The following PLD1 variants were observed in gnomAD, a reference collection of about 807,000 sequenced individuals.
PLD1 encodes choline phosphatase 1.
Under a neutral mutation model 137.1 loss-of-function variants are expected in PLD1, and 112 were observed. That is an observed-to-expected ratio of 0.82 (90% confidence interval 0.70 to 0.96). The LOEUF (loss-of-function observed/expected upper bound fraction) is 0.96, where lower values mean the gene tolerates loss of function less well. Among genes scored for constraint, PLD1 ranks in the 40% least tolerant of loss-of-function variants. The pLI is 0.00. For synonymous variants in PLD1, 431 were observed against 454.7 expected (o/e 0.95, Z 0.66); for missense variants, 1,321 against 1,342.0 (o/e 0.98, Z 0.24).
chr3:171,678,482 C>T (rs532509918), intron 16 of PLD1, among the ~76,000 whole-genome samples: 2 of 152,156 alleles, frequency 1.3e-5, no homozygotes, highest in African/African-American at 4.8e-5. Context: ...CATTGACTTA[C>T]GGCTAAATAC....
intron 24 of PLD1, among the ~76,000 whole-genome samples, chr3:171,619,544 C>T (rs1435020357): frequency 6.6e-6 from 1 of 152,142 alleles, no homozygotes; most frequent in Admixed American, 6.6e-5. Flanking sequence ...AGTTGGACTG[C>T]TCTACATCCT....
intron 12 of PLD1, among the ~76,000 whole-genome samples, chr3:171,697,390 G>A (rs868112839): frequency 1.3e-5 from 2 of 151,682 alleles, no homozygotes; most frequent in Admixed American, 6.6e-5. Flanking sequence ...GACTATAGGC[G>A]CCCGCCACCA....
intron 1 of PLD1, among the ~76,000 whole-genome samples, chr3:171,744,254 C>T (rs1719977308): frequency 6.6e-6 from 1 of 152,194 alleles, no homozygotes; most frequent in Non-Finnish European, 1.5e-5. Flanking sequence ...AGTAAGTCAG[C>T]TCTCAGCCTG....
chr3:171,622,099 G>C (rs1733689122), intron 23 of PLD1, among the ~76,000 whole-genome samples: 1 of 152,088 alleles, frequency 6.6e-6, no homozygotes, highest in South Asian at 2.1e-4. Flanking sequence ...TCCTACAGCT[G>C]GATCATGATC....
At chr3:171,722,938 G>A (rs1045407980) in intron 8 of PLD1, among the ~76,000 whole-genome samples, 8 of 152,040 alleles carry the variant, frequency 5.3e-5, no homozygotes, top group African/African-American at 1.9e-4. Flanking sequence ...AGCATATAAT[G>A]TGTAATAATA....
intron 1 of PLD1, among the ~76,000 whole-genome samples, chr3:171,740,232 A>T (rs80043041): frequency 0.014 from 2,193 of 151,918 alleles, 20 homozygotes; most frequent in African/African-American, 0.027. Flanking sequence ...AGAAGCAGGT[A>T]GCAGAATGTT....
intron 21 of PLD1, 66 bp from the exon 22 acceptor site, chr3:171,645,089 G>T: frequency 2.0e-6 from 2 of 994,026 alleles, no homozygotes; most frequent in Non-Finnish European, 3.2e-6. Flanking sequence ...TTAGATGACA[G>T]CCAAGCAGTT....
chr3:171,685,457 G>A (rs1714450782), intron 16 of PLD1, among the ~76,000 whole-genome samples: 1 of 152,054 alleles, frequency 6.6e-6, no homozygotes, highest in Admixed American at 6.6e-5. Flanking sequence ...CTTAATTATG[G>A]GCACTGGGAG....
intron 25 of PLD1, chr3:171,611,541 C>G: frequency 3.9e-6 from 2 of 515,040 alleles, no homozygotes; most frequent in Non-Finnish European, 7.7e-6. Context: ...AGCTTCCTAG[C>G]CCAGTATTCT....
intron 23 of PLD1, among the ~76,000 whole-genome samples, chr3:171,633,735 A>G (rs1328159034): frequency 2.0e-5 from 3 of 152,198 alleles, no homozygotes; most frequent in Admixed American, 2.0e-4. Flanking sequence ...TCCTTGTAGC[A>G]CTTAGTATAT....
intron 1 of PLD1, among the ~76,000 whole-genome samples, chr3:171,742,773 T>G (rs1232550791): frequency 6.6e-6 from 1 of 152,228 alleles, no homozygotes; most frequent in Non-Finnish European, 1.5e-5. Context: ...AAATGTGGAT[T>G]CAAGTACTAA....
At chr3:171,739,809 G>C (rs1230089809) in intron 1 of PLD1, among the ~76,000 whole-genome samples, 3 of 152,144 alleles carry the variant, frequency 2.0e-5, no homozygotes, top group Non-Finnish European at 4.4e-5. Context: ...TGGTGAAGAA[G>C]GGACTGGAAT....
At chr3:171,667,944 G>T (rs1712320302) in intron 19 of PLD1, among the ~76,000 whole-genome samples, 1 of 152,198 alleles carries the variant, frequency 6.6e-6, no homozygotes, top group Non-Finnish European at 1.5e-5. Context: ...TGGAGACAGG[G>T]TTTCAATACA....
chr3:171,694,513 T>C (rs1261934125), intron 12 of PLD1, among the ~76,000 whole-genome samples: 2 of 152,022 alleles, frequency 1.3e-5, no homozygotes, highest in African/African-American at 4.8e-5. Context: ...CAGTTCTATT[T>C]TTGGTATTTG....
chr3:171,762,886 G>GAACATTCTATA, intron 1 of PLD1, among the ~76,000 whole-genome samples: 1 of 152,302 alleles, frequency 6.6e-6, no homozygotes, highest in Non-Finnish European at 1.5e-5. Flanking sequence ...ACATGTGTGA[G>GAACATTCTATA]AACATTCTAT....
chr3:171,784,535 TC>T (rs1476930460), intron 1 of PLD1, among the ~76,000 whole-genome samples: 2 of 152,126 alleles, frequency 1.3e-5, no homozygotes, highest in Non-Finnish European at 2.9e-5. Flanking sequence ...CTCTTATCAT[TC>T]CCCTGCACAC....
rs1432506495 is a variant in PLD1, at chr3:171,763,154, C to T, written c.-31-25072G>A. On this transcript the variant is annotated intron_variant, in intron 1 of 26. Coordinates refer to ENST00000351298, the MANE Select transcript of PLD1 (RefSeq NM_002662.5). ...AGTGTGAGTGTGGACCAGAAACCATCGAAGGTCCTTCCCAGCCTGGGACTC... is the reference window on the plus strand; with the variant it reads ...AGTGTGAGTGTGGACCAGAAACCATTGAAGGTCCTTCCCAGCCTGGGACTC... Among the ~76,000 whole-genome samples the T allele has an allele frequency of 5.9e-5, 9 of 152,150 alleles. No homozygotes were observed. In the South Asian group the frequency reaches 6.2e-4, roughly 11 times the overall value.
chr3:171,637,311 C>T (rs1735210775), intron 23 of PLD1, among the ~76,000 whole-genome samples: 1 of 152,342 alleles, frequency 6.6e-6, no homozygotes, highest in African/African-American at 2.4e-5. Flanking sequence ...TCTTGGCTCA[C>T]TGCAACCTCA....
In PLD1 at chr3:171,644,995, C is replaced by T. The variant is rs2287579; in HGVS notation, c.2458G>A (p.Val820Met). The T allele has an allele frequency of 5.3e-3, 8,601 of 1,613,434 alleles. 451 individuals carry two copies. In the Admixed American group the frequency reaches 0.099, roughly 19 times the overall value. Reference sequence around the variant, plus strand: ...TCGAACCCTGGCAGAAGTGGTATCACGACATATACCCGGTATTTCTGGTTT... The same window carrying T: ...TCGAACCCTGGCAGAAGTGGTATCATGACATATACCCGGTATTTCTGGTTT... The part of the protein sequence containing the change: ...RENQKYRVYV[V>M]IPLLPGFEGD... The change falls in exon 22 of 27, where the codon GTG becomes ATG. Residue 820 changes from valine to methionine, a missense_variant. By Grantham distance (21) the Val-to-Met change is conservative. Coordinates refer to ENST00000351298, the MANE Select transcript of PLD1 (RefSeq NM_002662.5).
Sources: allele counts gnomAD v4.1 joint callset (sites outside exome capture counted in the v4.1 genomes callset), GRCh38; gene constraint gnomAD v4.1.1; transcripts MANE v1.5; gene names NCBI Gene and HGNC (gene_info 2026-07-23, HGNC 2026-07-21).